Variants in PLXDC2 observed in about 807,000 individuals in gnomAD.
PLXDC2 encodes the protein plexin domain containing 2.
PLXDC2 carries 40 observed loss-of-function variants against 68.9 expected under a neutral mutation model. The observed-to-expected ratio is 0.58, with a 90% CI of 0.45 to 0.76. PLXDC2 has a LOEUF of 0.76. PLXDC2 is among the 30% of genes least tolerant of loss of function. The pLI is 0.00. For synonymous variants in PLXDC2, 243 were observed against 234.2 expected (o/e 1.04, Z -0.34); for missense variants, 644 against 661.9 (o/e 0.97, Z 0.30).
chr10:20,177,264 G>T, intron 8 of PLXDC2, 64 bp from the exon 9 acceptor site: 1 of 1,421,970 alleles, frequency 7.0e-7, no homozygotes, highest in South Asian at 1.1e-5. Flanking sequence ...TTCTGGTTGA[G>T]TAATCTCTTT....
At chr10:20,159,994 G>A (rs1379594903) in intron 6 of PLXDC2, among the ~76,000 whole-genome samples, 6 of 152,064 alleles carry the variant, frequency 3.9e-5, no homozygotes, top group Admixed American at 1.3e-4. Flanking sequence ...TATGCTATAG[G>A]TTTTATGTTC....
intron 1 of PLXDC2, among the ~76,000 whole-genome samples, chr10:19,855,766 C>G (rs1181076624): frequency 1.3e-5 from 2 of 151,980 alleles, no homozygotes; most frequent in Non-Finnish European, 2.9e-5. Flanking sequence ...AGTTTAGTGC[C>G]TACAACAAAG....
chr10:20,194,117 C>T (rs1270471120), intron 9 of PLXDC2, among the ~76,000 whole-genome samples: 1 of 150,994 alleles, frequency 6.6e-6, no homozygotes, highest in Admixed American at 6.6e-5. Flanking sequence ...ATATTAAAGG[C>T]ACTACTAAAT....
chr10:19,990,304 T>C (rs1398428220), intron 1 of PLXDC2, among the ~76,000 whole-genome samples: 3 of 152,172 alleles, frequency 2.0e-5, no homozygotes, highest in African/African-American at 7.2e-5. Flanking sequence ...AAAGACATTG[T>C]TTTTCAATTA....
chr10:20,177,369 C>G lies in PLXDC2; in HGVS notation c.1021C>G (p.Gln341Glu). The G allele has an allele frequency of 1.2e-6, 2 of 1,603,150 alleles. No individual in the cohort carries two copies. Among genetic ancestry groups the G allele is most frequent in the Non-Finnish European group, 1.7e-6 (2 of 1,170,922 alleles). ...FNRCGPCVSS[Q>E]IGFNCSWCSK... ...CAGATGTGGCCCCTGTGTATCTTCTCAGATTGGCTTCAACTGCAGTTGGTG... is the reference window on the plus strand; with the variant it reads ...CAGATGTGGCCCCTGTGTATCTTCTGAGATTGGCTTCAACTGCAGTTGGTG... Residue 341 changes from glutamine (Q) to glutamate (E), a missense_variant, in exon 9 of 14, where the codon CAG becomes GAG. This residue lies in a region of PLXDC2 where 330 missense variants were observed against 327.9 expected (regional missense o/e 1.01). Transcript: ENST00000377252.
chr10:19,946,345 C>G (rs1402820204), intron 1 of PLXDC2, among the ~76,000 whole-genome samples: 5 of 152,072 alleles, frequency 3.3e-5, no homozygotes, highest in African/African-American at 1.2e-4. Context: ...TCCACTCTAT[C>G]TCTTCACTCC....
chr10:19,941,143 T>C (rs78028875), intron 1 of PLXDC2, among the ~76,000 whole-genome samples: 281 of 152,356 alleles, frequency 1.8e-3, no homozygotes, highest in African/African-American at 6.4e-3. Context: ...TTCTGATTCC[T>C]AGTCATGGAA....
At chr10:20,164,711 T>C in intron 7 of PLXDC2, 144 bp downstream of exon 7, 1 of 696,862 alleles carries the variant, frequency 1.4e-6, no homozygotes, top group Non-Finnish European at 2.5e-6. Flanking sequence ...TGTTGTTTGC[T>C]TTATAACTCC....
rs963092855 is a variant in PLXDC2 at position 20,257,259 on chromosome 10, A to C, written c.1473+11754A>C. Among the ~76,000 whole-genome samples the C allele has an allele frequency of 2.0e-5, 3 of 152,244 alleles. 1 individual carries two copies. The South Asian group carries it at 6.2e-4, about 31-fold the overall frequency. ...AGGATTTCTTAGAGGATATTTTGAC[A>C]GTATATGGGGTTCAACTAGAATTAA... On this transcript the variant is annotated intron_variant, in intron 13 of 13. Transcript: ENST00000377252.
At chr10:20,066,842 A>G (rs888666749) in intron 3 of PLXDC2, among the ~76,000 whole-genome samples, 1 of 152,166 alleles carries the variant, frequency 6.6e-6, no homozygotes, top group Admixed American at 6.5e-5. Context: ...AAATTTGTGT[A>G]TTGGGAGAGA....
intron 2 of PLXDC2, among the ~76,000 whole-genome samples, chr10:20,023,087 T>A (rs1198016127): frequency 1.4e-5 from 2 of 147,628 alleles, no homozygotes; most frequent in African/African-American, 4.9e-5. Flanking sequence ...AATATATATA[T>A]GTATATATAT....
intron 1 of PLXDC2, among the ~76,000 whole-genome samples, chr10:19,891,551 A>G (rs1432470177): frequency 6.6e-6 from 1 of 152,164 alleles, no homozygotes; most frequent in Non-Finnish European, 1.5e-5. Context: ...CACCTACTGC[A>G]GGCGTTGGAA....
intron 13 of PLXDC2, among the ~76,000 whole-genome samples, chr10:20,265,053 T>G (rs1835853088): frequency 6.6e-6 from 1 of 152,166 alleles, no homozygotes; most frequent in Non-Finnish European, 1.5e-5. Flanking sequence ...TAGACAATCA[T>G]GAAGTTTTTA....
chr10:20,022,082 A>G (rs962528969), intron 2 of PLXDC2, among the ~76,000 whole-genome samples: 3 of 152,238 alleles, frequency 2.0e-5, no homozygotes, highest in Non-Finnish European at 2.9e-5. Context: ...GTATTGTAGC[A>G]GCAGACTAGC....
chr10:19,912,080 A>T (rs565845940), intron 1 of PLXDC2, among the ~76,000 whole-genome samples: 13 of 152,256 alleles, frequency 8.5e-5, no homozygotes, highest in African/African-American at 2.4e-4. Flanking sequence ...GTTACTTTCA[A>T]TCACAGCATC....
At chr10:20,087,835 GA>G (rs1394309939) in intron 4 of PLXDC2, among the ~76,000 whole-genome samples, 2 of 152,040 alleles carry the variant, frequency 1.3e-5, no homozygotes, top group Non-Finnish European at 2.9e-5. Flanking sequence ...TATTTCATCC[GA>G]ATTTTTTTAT....
intron 4 of PLXDC2, among the ~76,000 whole-genome samples, chr10:20,108,144 C>T (rs139577831): frequency 9.8e-4 from 149 of 152,132 alleles, no homozygotes; most frequent in African/African-American, 3.3e-3. Context: ...ATGAAAAATC[C>T]GTCGGCACGG....
At chr10:20,113,258 G>A (rs1164294073) in intron 4 of PLXDC2, among the ~76,000 whole-genome samples, 1 of 152,150 alleles carries the variant, frequency 6.6e-6, no homozygotes, top group Non-Finnish European at 1.5e-5. Context: ...TACAGAAATT[G>A]GGTTAGCTTT....
intron 2 of PLXDC2, among the ~76,000 whole-genome samples, chr10:20,043,797 A>G (rs1402455738): frequency 6.6e-6 from 1 of 152,120 alleles, no homozygotes; most frequent in African/African-American, 2.4e-5. Flanking sequence ...GAAAAATTAA[A>G]TGAATTATTA....
Sources: allele counts gnomAD v4.1 joint callset (sites outside exome capture counted in the v4.1 genomes callset), GRCh38; gene constraint gnomAD v4.1.1; regional missense constraint gnomAD v4.1.1; transcripts MANE v1.5; gene names NCBI Gene and HGNC (gene_info 2026-07-23, HGNC 2026-07-21).